The following KCNK13 variants were observed in gnomAD, a reference collection of about 807,000 sequenced individuals.
KCNK13 encodes potassium two pore domain channel subfamily K member 13, also known as potassium channel subfamily K member 13.
Under a neutral mutation model 23.4 loss-of-function variants are expected in KCNK13, and 12 were observed. The observed-to-expected ratio is 0.51, with a 90% confidence interval of 0.33 to 0.83. The LOEUF (loss-of-function observed/expected upper bound fraction) is 0.83. Among genes scored for constraint, KCNK13 ranks in the 40% least tolerant of loss-of-function variants. KCNK13 has a pLI of 0.02. For missense variants in KCNK13, 463 were observed against 556.3 expected, an observed-to-expected ratio of 0.83 and a Z score of 1.69; for synonymous variants, 231 against 229.5, an observed-to-expected ratio of 1.01 and a Z score of -0.06.
intron 1 of KCNK13, among the ~76,000 whole-genome samples, chr14:90,122,692 G>A (rs978680004): frequency 6.6e-6 from 1 of 151,858 alleles, no homozygotes; most frequent in Admixed American, 6.6e-5. Flanking sequence ...AAACTGGCCC[G>A]AGGCACTCAA....
intron 1 of KCNK13, among the ~76,000 whole-genome samples, chr14:90,075,618 A>G (rs972145857): frequency 5.5e-4 from 84 of 152,220 alleles, no homozygotes; most frequent in African/African-American, 1.7e-3. Context: ...AGCTGGGATT[A>G]CAGGCGTGCA....
rs924781669 is a variant in KCNK13, at chr14:90,095,811, C to T, written c.334+33272C>T. Among the ~76,000 whole-genome samples, 110 of 152,098 alleles carry T rather than the reference C, an allele frequency of 7.2e-4. 1 individual carries two copies. Among genetic ancestry groups the T allele is most frequent in the Non-Finnish European group, 2.8e-4 (19 of 68,014 alleles). ...GGAGATCGAGTCAGATCTCACAGGT[C>T]GAGGGCTCAGTCCCTAACCTGCCCC... On this transcript the variant is annotated intron_variant, in intron 1 of 1. Transcript: ENST00000282146.
intron 1 of KCNK13, among the ~76,000 whole-genome samples, chr14:90,176,703 A>G (rs952639115): frequency 2.0e-5 from 3 of 152,158 alleles, no homozygotes; most frequent in African/African-American, 7.2e-5. Flanking sequence ...AAACCTGCTG[A>G]GAAACATATT....
chr14:90,101,790 C>CAAAAAAAAAAAAAAAAAAAAAAAAAAA lies in KCNK13; in HGVS notation c.334+39273_334+39274insAAAAAAAAAAAAAAAAAAAAAAAAAAA, dbSNP rs546423368. ...GGGCAACAGAGTGAGACTCCGTCTC[C>CAAAAAAAAAAAAAAAAAAAAAAAAAAA]AAAAAAAAAAAAAAAAAAAAAACCT... On this transcript the variant is annotated intron_variant, in intron 1 of 1. Transcript: ENST00000282146. Among the ~76,000 whole-genome samples, 6 of 55,582 alleles carry CAAAAAAAAAAAAAAAAAAAAAAAAAAA rather than the reference C, an allele frequency of 1.1e-4. 1 individual carries two copies. The highest frequency in any genetic ancestry group is 2.6e-4 in the African/African-American group (4 of 15,152). The allele number at this position is 55,582 out of a possible 152,430, so 36.5% of individuals were successfully genotyped here.
At chr14:90,068,988 C>T (rs1746596898) in intron 1 of KCNK13, among the ~76,000 whole-genome samples, 1 of 151,552 alleles carries the variant, frequency 6.6e-6, no homozygotes, top group South Asian at 2.1e-4. Context: ...GAGGCTCAGC[C>T]TCGCCTCGTA....
At chr14:90,080,941 T>C (rs1319559667) in intron 1 of KCNK13, among the ~76,000 whole-genome samples, 1 of 152,188 alleles carries the variant, frequency 6.6e-6, no homozygotes. Context: ...CCCCTGACAG[T>C]GTGCCCCTAG....
intron 1 of KCNK13, among the ~76,000 whole-genome samples, chr14:90,075,688 C>G (rs1889126218): frequency 6.6e-6 from 1 of 152,076 alleles, no homozygotes; most frequent in Non-Finnish European, 1.5e-5. Context: ...CCCATGTTGC[C>G]CAGGCTGGTC....
At chr14:90,174,345 A>G (rs1170038861) in intron 1 of KCNK13, among the ~76,000 whole-genome samples, 1 of 151,998 alleles carries the variant, frequency 6.6e-6, no homozygotes, top group South Asian at 2.1e-4. Context: ...AAATAAAACC[A>G]TCAGATCTCA....
intron 1 of KCNK13, among the ~76,000 whole-genome samples, chr14:90,093,384 A>G (rs777666489): frequency 1.4e-4 from 22 of 152,318 alleles, no homozygotes; most frequent in Non-Finnish European, 2.5e-4. Flanking sequence ...CAGTAATATC[A>G]GTTGGAGATG....
chr14:90,080,103 A>C (rs551489607), intron 1 of KCNK13, among the ~76,000 whole-genome samples: 2 of 152,256 alleles, frequency 1.3e-5, no homozygotes, highest in South Asian at 4.1e-4. Context: ...TCCCTAGTTG[A>C]GTTTTGAAGG....
chr14:90,108,925 C>T (rs552007288), intron 1 of KCNK13, among the ~76,000 whole-genome samples: 1 of 152,248 alleles, frequency 6.6e-6, no homozygotes, highest in African/African-American at 2.4e-5. Flanking sequence ...GCCTGTAATC[C>T]CAGCACTTTG....
chr14:90,088,112 T>TACA, intron 1 of KCNK13, among the ~76,000 whole-genome samples: 1 of 152,282 alleles, frequency 6.6e-6, no homozygotes. Flanking sequence ...AAGCGGTTCT[T>TACA]ACACCTCAGC....
intron 1 of KCNK13, among the ~76,000 whole-genome samples, chr14:90,145,048 G>T (rs984035945): frequency 6.6e-6 from 1 of 152,206 alleles, no homozygotes. Context: ...TGCATCTACT[G>T]AGTGATTACA....
At chr14:90,080,637 TAAC>T (rs1889197531) in intron 1 of KCNK13, among the ~76,000 whole-genome samples, 1 of 152,210 alleles carries the variant, frequency 6.6e-6, no homozygotes, top group South Asian at 2.1e-4. Flanking sequence ...ATCATCCTTT[TAAC>T]AACAGCAACA....
chr14:90,100,128 C>T (rs1236482641), intron 1 of KCNK13, among the ~76,000 whole-genome samples: 2 of 152,096 alleles, frequency 1.3e-5, no homozygotes, highest in African/African-American at 4.8e-5. Flanking sequence ...TTTTTGGAGT[C>T]GATCCCACTT....
intron 1 of KCNK13, among the ~76,000 whole-genome samples, chr14:90,152,681 G>A (rs1890149742): frequency 6.6e-6 from 1 of 152,150 alleles, no homozygotes. Context: ...AGCAGTGTGA[G>A]AATGGTCTAA....
rs185587121 is a variant in KCNK13, at chr14:90,121,876, C to T, written c.334+59337C>T. Among the ~76,000 whole-genome samples, 45 of 151,990 alleles carry T rather than the reference C, an allele frequency of 3.0e-4. 1 individual carries two copies. The highest frequency in any genetic ancestry group is 1.4e-3 in the Admixed American group (21 of 15,262). ...CTGGAATTACAGGCGTGCAACACCA[C>T]GCCTGGCTAATTTTTGTATTTTTAT... On this transcript the variant is annotated intron_variant, in intron 1 of 1. Coordinates refer to ENST00000282146, the MANE Select transcript of KCNK13 (RefSeq NM_022054.4).
At chr14:90,102,665 G>A (rs1489290259) in intron 1 of KCNK13, among the ~76,000 whole-genome samples, 1 of 152,156 alleles carries the variant, frequency 6.6e-6, no homozygotes, top group Non-Finnish European at 1.5e-5. Flanking sequence ...GAGCTTCTCA[G>A]TCAGTATGGC....
intron 1 of KCNK13, among the ~76,000 whole-genome samples, chr14:90,127,306 G>A (rs142955257): frequency 1.6e-3 from 248 of 152,174 alleles, no homozygotes; most frequent in African/African-American, 5.7e-3. Context: ...CACCCTATAT[G>A]TTTTGTAGCG....
Sources: gnomAD v4.1 joint callset for allele counts (sites outside exome capture counted in the v4.1 genomes callset) on GRCh38, gnomAD v4.1.1 for gene constraint, MANE v1.5 for transcripts, NCBI Gene and HGNC (gene_info 2026-07-23, HGNC 2026-07-21) for gene names.